Variants in MDN1 observed in about 807,000 individuals in gnomAD.
MDN1 encodes midasin.
In MDN1, 266 loss-of-function variants were observed where a neutral mutation model predicts 669.2. The ratio of observed to expected loss-of-function variants is 0.40; its 90% CI spans 0.36 to 0.44. MDN1 has a LOEUF of 0.44. MDN1 is among the 20% of genes least tolerant of loss of function. The pLI, the probability that MDN1 is intolerant of heterozygous loss-of-function variation, is 1.00. For missense variants in MDN1, 5,940 were observed against 6,754.0 expected (o/e 0.88, Z 4.22); for synonymous variants, 2,385 against 2,457.1 (o/e 0.97, Z 0.87).
At chr6:89,654,396 T>G in intron 92 of MDN1, 62 bp from the exon 93 acceptor site, 1 of 1,585,956 alleles carries the variant, frequency 6.3e-7, no homozygotes, top group South Asian at 1.1e-5. Context: ...AAAATAATAA[T>G]AAGTGGGTAT....
intron 2 of MDN1, among the ~76,000 whole-genome samples, chr6:89,796,738 AT>A (rs749184664): frequency 3.2e-4 from 49 of 152,200 alleles, no homozygotes; most frequent in Non-Finnish European, 5.9e-4. Flanking sequence ...GTATTAAAAA[AT>A]AATTAGCATG....
intron 46 of MDN1, among the ~76,000 whole-genome samples, chr6:89,713,953 G>A (rs561630798): frequency 2.0e-4 from 30 of 151,626 alleles, no homozygotes; most frequent in Admixed American, 9.8e-4. Flanking sequence ...GCAGAAGAAT[G>A]GCATGAACCT....
intron 17 of MDN1, 51 bp from the exon 18 acceptor site, chr6:89,759,011 T>C: frequency 1.3e-6 from 2 of 1,563,452 alleles, no homozygotes; most frequent in Non-Finnish European, 1.8e-6. Flanking sequence ...AAAGGCACAC[T>C]TGCCAAGAAC....
At chr6:89,790,563 T>A (rs1819209883) in intron 5 of MDN1, among the ~76,000 whole-genome samples, 162 bp from the exon 6 acceptor site, 1 of 152,188 alleles carries the variant, frequency 6.6e-6, no homozygotes, top group South Asian at 2.1e-4. Context: ...AAAGATCTCA[T>A]GGGCATTGTG....
At chr6:89,667,861 T>A (rs1407034091) in intron 84 of MDN1, among the ~76,000 whole-genome samples, 153 bp downstream of exon 84, 1 of 152,210 alleles carries the variant, frequency 6.6e-6, no homozygotes, top group Non-Finnish European at 1.5e-5. Context: ...GCTTTTTATT[T>A]ACACCCACTG....
chr6:89,775,168 T>G (rs1818292972), intron 12 of MDN1, among the ~76,000 whole-genome samples: 1 of 152,186 alleles, frequency 6.6e-6, no homozygotes, highest in African/African-American at 2.4e-5. Context: ...TGCTCCTGGA[T>G]GTCTACCCAA....
At chr6:89,757,728 C>T (rs574629640) in intron 19 of MDN1, among the ~76,000 whole-genome samples, 6 of 152,040 alleles carry the variant, frequency 3.9e-5, no homozygotes, top group Admixed American at 3.3e-4. Context: ...GGCAACATGG[C>T]GAAATCCCAC....
intron 84 of MDN1, among the ~76,000 whole-genome samples, chr6:89,667,442 CTGATT>C (rs1301375757): frequency 1.3e-5 from 2 of 152,208 alleles, no homozygotes; most frequent in South Asian, 2.1e-4. Flanking sequence ...AGTTTCTGAT[CTGATT>C]TAACTTAGAA....
At chr6:89,816,131 G>A (rs994792746) in intron 1 of MDN1, among the ~76,000 whole-genome samples, 6 of 152,192 alleles carry the variant, frequency 3.9e-5, no homozygotes, top group Non-Finnish European at 7.3e-5. Context: ...TGGGCGCAGC[G>A]GCTCACACCT....
chr6:89,737,222 C>T lies in MDN1; in HGVS notation c.4723+1104G>A, dbSNP rs867058389. 9.9e-5 allele frequency among the ~76,000 whole-genome samples: 15 copies of T among 152,226 alleles called. No individual in the cohort carries two copies. In the Middle Eastern group the frequency reaches 0.01, roughly 104 times the overall value. On this transcript the variant is annotated intron_variant, in intron 33 of 101. Coordinates refer to ENST00000369393, the MANE Select transcript of MDN1 (RefSeq NM_014611.3). The stretch of plus-strand genomic sequence containing the variant: ...GGCCATTCCTAAAAAGAAGTCTTTG[C>T]TCAGATGACTAAAGAATCAGTCGTC...
In MDN1 at chr6:89,803,461, G is replaced by A. The variant is rs779686279; in HGVS notation, c.196C>T (p.Arg66Cys). 8.7e-6 allele frequency: 14 copies of A among 1,614,096 alleles called. No homozygotes were observed. The highest frequency in any genetic ancestry group is 8.3e-5 in the Admixed American group (5 of 60,012). ...DCTVLVGRQL[R>C]PLLLDLLERN... Reference sequence around the variant, plus strand: ...TCCAGCAAATCCAAAAGGAGAGGGCGAAGCTGGCGACCAACCAGCACAGTA... The same window carrying A: ...TCCAGCAAATCCAAAAGGAGAGGGCAAAGCTGGCGACCAACCAGCACAGTA... The change falls in exon 2 of 102, where the codon CGC (arginine) becomes TGC (cysteine). Residue 66 changes from arginine to cysteine, a missense_variant. Around this residue, in one of 5 missense-constraint regions of MDN1, gnomAD observed 1,203 missense variants for 1,268.9 expected, o/e 0.95. Transcript: ENST00000369393.
chr6:89,730,922 C>T lies in MDN1; in HGVS notation c.4944G>A (p.Gly1648=). The T allele has an allele frequency of 1.2e-6, 2 of 1,613,386 alleles. No individual in the cohort carries two copies. The highest frequency in any genetic ancestry group is 8.5e-7 in the Non-Finnish European group (1 of 1,179,662). ...CTGTACCAAACCCAGAGGAAGTTAC[C>T]CCTAAAAGACAGAGGATCAGTCCAT... ...CLVYIDGIGS[G]VTSSGFGTAL... The change falls in exon 35 of 102, where the codon GGG becomes GGA. Residue 1648 remains glycine, a splice_region_variant and synonymous_variant. Coordinates refer to ENST00000369393, the MANE Select transcript of MDN1 (RefSeq NM_014611.3).
intron 40 of MDN1, among the ~76,000 whole-genome samples, chr6:89,721,900 C>A (rs1814851419): frequency 6.6e-6 from 1 of 152,166 alleles, no homozygotes; most frequent in African/African-American, 2.4e-5. Context: ...CACATTTCAA[C>A]AAGGAGGTTA....
At chr6:89,699,078 G>C (rs763412908) in intron 58 of MDN1, 43 bp from the exon 59 acceptor site, 1 of 1,507,670 alleles carries the variant, frequency 6.6e-7, no homozygotes, top group Non-Finnish European at 9.1e-7. Context: ...ACCTGAGAAA[G>C]ACTCCATAAA....
chr6:89,787,004 G>A (rs938494513), intron 8 of MDN1, among the ~76,000 whole-genome samples: 1 of 151,346 alleles, frequency 6.6e-6, no homozygotes, highest in Non-Finnish European at 1.5e-5. Context: ...TACTTGGGAG[G>A]CTGTGCTGGG....
At position 89,787,939 on chromosome 6, in the gene MDN1, G is replaced by A; in HGVS notation, c.1249C>T (p.Leu417Phe). 2.5e-6 allele frequency: 4 copies of A among 1,613,340 alleles called. No homozygotes were observed. The highest frequency in any genetic ancestry group is 1.1e-5 in the South Asian group (1 of 91,052). ...ATCAAGAGCTCTCCATTCTCCAAGAGAGGGATCAGCACAGAAACCTAAATC... is the reference window on the plus strand; with the variant it reads ...ATCAAGAGCTCTCCATTCTCCAAGAAAGGGATCAGCACAGAAACCTAAATC... Reference protein sequence around the residue: ...PLDVVSVLIPLLENGELLIPG... With the variant: ...PLDVVSVLIPFLENGELLIPG... The change falls in exon 8 of 102, where the codon CTC becomes TTC. Residue 417 changes from leucine to phenylalanine, a missense_variant. Physicochemically the swap from Leu to Phe is conservative, Grantham distance 22. Coordinates refer to ENST00000369393, the MANE Select transcript of MDN1 (RefSeq NM_014611.3).
intron 75 of MDN1, 84 bp from the exon 76 acceptor site, chr6:89,677,780 A>G (rs1422014672): frequency 6.3e-7 from 1 of 1,577,326 alleles, no homozygotes; most frequent in African/African-American, 1.3e-5. Flanking sequence ...CTCAAAGCAA[A>G]GTCTTCTAAA....
intron 14 of MDN1, 125 bp downstream of exon 14, chr6:89,772,448 A>T: frequency 2.0e-6 from 2 of 994,628 alleles, no homozygotes; most frequent in Non-Finnish European, 3.0e-6. Flanking sequence ...TTCCAGGCAG[A>T]GATTACATGT....
chr6:89,782,612 ATAAT>A (rs1818739333), intron 9 of MDN1, among the ~76,000 whole-genome samples: 89 of 99,024 alleles, frequency 9.0e-4, no homozygotes, highest in African/African-American at 3.4e-3. Flanking sequence ...AAAAATAATA[ATAAT>A]AATAATAATA....
Sources: gnomAD v4.1 joint callset for allele counts (sites outside exome capture counted in the v4.1 genomes callset) on GRCh38, gnomAD v4.1.1 for gene constraint, gnomAD v4.1.1 regional missense constraint, MANE v1.5 for transcripts, NCBI Gene and HGNC (gene_info 2026-07-23, HGNC 2026-07-21) for gene names.